Variants in DIAPH2 observed in about 807,000 individuals in gnomAD.
The protein encoded by DIAPH2 is protein diaphanous homolog 2.
Under a neutral mutation model 92.7 loss-of-function variants are expected in DIAPH2, and 35 were observed. That is an observed-to-expected ratio of 0.38 (90% CI 0.29 to 0.50). The LOEUF is 0.50. DIAPH2 is among the 20% of genes least tolerant of loss of function. The pLI is 0.94. For synonymous variants in DIAPH2, 301 were observed against 280.4 expected (o/e 1.07, Z -0.73); for missense variants, 701 against 819.5 (o/e 0.86, Z 1.77).
intron 26 of DIAPH2, among the ~76,000 whole-genome samples, chrX:97,596,355 T>TTTGA (rs2071551611): frequency 8.9e-6 from 1 of 112,198 alleles, no homozygotes. Flanking sequence ...TTTTTCTCTC[T>TTTGA]TTGATTTCCA....
chrX:97,052,801 G>T (rs182702161), intron 17 of DIAPH2, among the ~76,000 whole-genome samples: 1 of 111,278 alleles, frequency 9.0e-6, no homozygotes, highest in East Asian at 2.8e-4. Flanking sequence ...GACTATTTTA[G>T]GGCCTAGCAT....
At chrX:97,207,317 G>C (rs1401595162) in intron 22 of DIAPH2, among the ~76,000 whole-genome samples, 1 of 111,750 alleles carries the variant, frequency 8.9e-6, no homozygotes, top group Admixed American at 9.6e-5. Context: ...ACCCAAGTTA[G>C]ATTGAAAGTA....
chrX:96,729,334 A>T (rs2064040662), intron 1 of DIAPH2, among the ~76,000 whole-genome samples: 1 of 112,175 alleles, frequency 8.9e-6, no homozygotes, highest in South Asian at 3.7e-4. Context: ...ACTACTCTAA[A>T]AGCTGGATTA....
intron 22 of DIAPH2, among the ~76,000 whole-genome samples, chrX:97,160,370 G>A (rs1415741921): frequency 8.9e-6 from 1 of 112,392 alleles, no homozygotes; most frequent in East Asian, 2.8e-4. Context: ...ATCCTGGGGT[G>A]GTAAGTAGAA....
chrX:97,342,288 C>T (rs1026409663), intron 23 of DIAPH2, among the ~76,000 whole-genome samples: 2 of 111,968 alleles, frequency 1.8e-5, no homozygotes, highest in Non-Finnish European at 3.8e-5. Flanking sequence ...GCCCATGACC[C>T]AGCCTTCAGT....
chrX:97,017,139 A>G (rs5966620), intron 17 of DIAPH2, among the ~76,000 whole-genome samples: 34,747 of 110,823 alleles, frequency 0.31, 4,989 homozygotes, highest in South Asian at 0.52. Flanking sequence ...ATTTGTCAAC[A>G]TAATTACCAG....
At chrX:97,489,876 G>T (rs962264632) in intron 26 of DIAPH2, among the ~76,000 whole-genome samples, 1 of 111,538 alleles carries the variant, frequency 9.0e-6, no homozygotes, top group Non-Finnish European at 1.9e-5. Flanking sequence ...TGTTTTCATC[G>T]AAGATACTGG....
intron 22 of DIAPH2, among the ~76,000 whole-genome samples, chrX:97,166,023 C>T (rs2067410046): frequency 9.1e-6 from 1 of 110,410 alleles, no homozygotes. Context: ...GATGTTAATA[C>T]TGTGCGTTCA....
chrX:97,596,724 T>C (rs2071554450), intron 26 of DIAPH2, among the ~76,000 whole-genome samples: 1 of 112,079 alleles, frequency 8.9e-6, no homozygotes, highest in African/African-American at 3.2e-5. Context: ...CTATGAGTCC[T>C]GACCTTATAA....
chrX:96,900,359 G>A (rs1435561447), intron 5 of DIAPH2, among the ~76,000 whole-genome samples: 1 of 111,131 alleles, frequency 9.0e-6, no homozygotes, highest in Non-Finnish European at 1.9e-5. Flanking sequence ...ATCAGATCTA[G>A]GAGCCTTTTG....
intron 26 of DIAPH2, among the ~76,000 whole-genome samples, chrX:97,533,960 C>T (rs1479903795): frequency 1.8e-5 from 2 of 111,697 alleles, no homozygotes; most frequent in Non-Finnish European, 1.9e-5. Flanking sequence ...GAGTAGTTTA[C>T]TCATTCTAAC....
intron 22 of DIAPH2, among the ~76,000 whole-genome samples, chrX:97,176,534 G>T (rs753247394): frequency 5.2e-4 from 57 of 110,256 alleles, no homozygotes; most frequent in African/African-American, 1.8e-3. Flanking sequence ...GTTTTGTTTT[G>T]TTTTGTTTTT....
At position 97,336,243 on chromosome X, in the gene DIAPH2, CTT is replaced by C. The variant is rs1186112131; in HGVS notation, c.2845-11855_2845-11854del. Among the ~76,000 whole-genome samples the C allele has an allele frequency of 5.8e-3, 530 of 91,657 alleles. 1 individual carries two copies. The highest frequency in any genetic ancestry group is 0.02 in the African/African-American group (499 of 24,750). 79.6% of individuals were successfully genotyped at this position (91,657 alleles called of 115,157 possible). A position where few individuals can be genotyped will look rare whatever the true frequency, so the allele number is the denominator to read the frequency against. On this transcript the variant is annotated intron_variant, in intron 23 of 26. Coordinates refer to ENST00000324765, the MANE Select transcript of DIAPH2 (RefSeq NM_006729.5). ...TGCAGTCACACTTTTCTTTTCTTTTCTTTTTTTTTTTTTTTTTTTGAGACGGA... is the reference window on the plus strand; with the variant it reads ...TGCAGTCACACTTTTCTTTTCTTTTCTTTTTTTTTTTTTTTTTGAGACGGA...
intron 24 of DIAPH2, among the ~76,000 whole-genome samples, chrX:97,361,747 G>C (rs1255382249): frequency 9.0e-6 from 1 of 111,576 alleles, no homozygotes; most frequent in Non-Finnish European, 1.9e-5. Context: ...TTCAAATATG[G>C]GGACGTCTAA....
chrX:97,344,595 C>T (rs2069140318), intron 23 of DIAPH2, among the ~76,000 whole-genome samples: 1 of 111,887 alleles, frequency 8.9e-6, no homozygotes, highest in Non-Finnish European at 1.9e-5. Context: ...ATCCCTTTTA[C>T]AAAGTAATCT....
intron 17 of DIAPH2, among the ~76,000 whole-genome samples, chrX:97,043,936 G>A (rs971108320): frequency 2.9e-4 from 33 of 111,943 alleles, no homozygotes; most frequent in African/African-American, 1.0e-3. Flanking sequence ...ACAGAAATAA[G>A]CTTGAAATGG....
chrX:97,123,539 G>A (rs142137651), intron 21 of DIAPH2, among the ~76,000 whole-genome samples: 92 of 112,113 alleles, frequency 8.2e-4, no homozygotes, highest in African/African-American at 2.9e-3. Flanking sequence ...TGCACATGCC[G>A]TTGATCTGTG....
chrX:97,355,409 A>G (rs985209030), intron 24 of DIAPH2, among the ~76,000 whole-genome samples: 16 of 110,682 alleles, frequency 1.4e-4, no homozygotes, highest in African/African-American at 5.2e-4. Flanking sequence ...GACATTAAAA[A>G]AAAAAAAAAC....
At chrX:97,372,060 T>C (rs1380076541) in intron 24 of DIAPH2, among the ~76,000 whole-genome samples, 1 of 112,638 alleles carries the variant, frequency 8.9e-6, no homozygotes, top group Non-Finnish European at 1.9e-5. Flanking sequence ...TGCAGAAACC[T>C]GCAGCATTAG....
Sources: allele counts gnomAD v4.1 joint callset (sites outside exome capture counted in the v4.1 genomes callset), GRCh38; gene constraint gnomAD v4.1.1; transcripts MANE v1.5; gene names NCBI Gene and HGNC (gene_info 2026-07-23, HGNC 2026-07-21).